BMPR1B: variants seen among roughly 807,000 people sequenced by gnomAD.
The protein encoded by BMPR1B is bone morphogenetic protein receptor type-1B.
In BMPR1B, 12 loss-of-function variants were observed where a neutral mutation model predicts 59.1. The ratio of observed to expected loss-of-function variants is 0.20; its 90% CI spans 0.13 to 0.33. BMPR1B has a LOEUF of 0.33. Among genes scored for constraint, BMPR1B ranks in the 10% least tolerant of loss-of-function variants. The pLI is 1.00. For missense variants in BMPR1B, 550 were observed against 610.9 expected, an observed-to-expected ratio of 0.90 and a Z score of 1.05; for synonymous variants, 237 against 207.3, an observed-to-expected ratio of 1.14 and a Z score of -1.23.
At chr4:95,075,433 G>A (rs780218006) in intron 3 of BMPR1B, among the ~76,000 whole-genome samples, 1 of 152,102 alleles carries the variant, frequency 6.6e-6, no homozygotes, top group South Asian at 2.1e-4. Context: ...GTATGTAGAC[G>A]ATATATTAAT....
chr4:95,086,391 C>A (rs529096586), intron 3 of BMPR1B, among the ~76,000 whole-genome samples: 1 of 152,292 alleles, frequency 6.6e-6, no homozygotes, highest in East Asian at 1.9e-4. Context: ...TAATGTTTTT[C>A]TTAAGACCCA....
intron 1 of BMPR1B, among the ~76,000 whole-genome samples, chr4:94,796,020 A>T (rs1723179073): frequency 6.6e-6 from 1 of 151,010 alleles, no homozygotes; most frequent in African/African-American, 2.4e-5. Flanking sequence ...ACTGGAGTGC[A>T]ATGATGCAAT....
intron 3 of BMPR1B, among the ~76,000 whole-genome samples, chr4:95,018,732 GACAA>G (rs939434818): frequency 1.4e-4 from 21 of 152,120 alleles, no homozygotes; most frequent in East Asian, 1.9e-4. Flanking sequence ...TTTCAAAACT[GACAA>G]ACAAACCAGC....
rs561008075 is a variant in BMPR1B at position 95,119,535 on chromosome 4, A to G, written c.349+3748A>G. Among the ~76,000 whole-genome samples the G allele has an allele frequency of 3.3e-5, 5 of 152,216 alleles. No individual in the cohort carries two copies. In the East Asian group the frequency reaches 9.6e-4, roughly 29 times the overall value. ...TTTAGACAATGAATGCTCAAATTAT[A>G]TATAATTCCTGTTTGTCCTGAATGG... On this transcript the variant is annotated intron_variant, in intron 6 of 12. Coordinates refer to ENST00000515059, the MANE Select transcript of BMPR1B (RefSeq NM_001203.3).
At chr4:95,021,860 T>C (rs189406231) in intron 3 of BMPR1B, among the ~76,000 whole-genome samples, 1 of 152,340 alleles carries the variant, frequency 6.6e-6, no homozygotes, top group Admixed American at 6.5e-5. Flanking sequence ...TCTATTCTCA[T>C]GTATTGGCAA....
At chr4:95,051,677 A>G in intron 3 of BMPR1B, 1 of 1,535,064 alleles carries the variant, frequency 6.5e-7, no homozygotes. Context: ...CAGGCAGGGC[A>G]CATTGACTGC....
chr4:94,986,432 G>T (rs1252853983), intron 2 of BMPR1B, among the ~76,000 whole-genome samples: 1 of 152,100 alleles, frequency 6.6e-6, no homozygotes, highest in Non-Finnish European at 1.5e-5. Context: ...AAAACCAAAA[G>T]AATTGCTTCC....
Position 95,154,885 on chromosome 4 carries a change from C to T in BMPR1B, c.*212C>T, listed in dbSNP as rs745861587. 123 of 590,002 alleles carry T rather than the reference C, an allele frequency of 2.1e-4. No homozygotes were observed. Among genetic ancestry groups the T allele is most frequent in the Non-Finnish European group, 3.1e-4 (108 of 343,730 alleles). The allele number at this position is 590,002 out of a possible 1,614,324, so 36.5% of individuals were successfully genotyped here. A position where few individuals can be genotyped will look rare whatever the true frequency, so the allele number is the denominator to read the frequency against. On this transcript the variant is annotated 3_prime_UTR_variant, in exon 13 of 13. Transcript: ENST00000515059. ...GATTGATCCATGTCTGTTTGTAGGA[C>T]GGAGAAACCGCTTGGGTAACTTGTT...
At chr4:95,099,709 C>T (rs750990962) in intron 3 of BMPR1B, among the ~76,000 whole-genome samples, 45 of 152,230 alleles carry the variant, frequency 3.0e-4, no homozygotes, top group African/African-American at 6.5e-4. Context: ...TTCTCCTTTC[C>T]GCGTAGCAAC....
intron 3 of BMPR1B, among the ~76,000 whole-genome samples, chr4:95,033,143 ATGT>A (rs1724999734): frequency 2.6e-5 from 4 of 152,100 alleles, no homozygotes; most frequent in Admixed American, 1.3e-4. Context: ...GGTTGTTCAT[ATGT>A]TGTTGTTGAG....
intron 3 of BMPR1B, among the ~76,000 whole-genome samples, chr4:95,050,241 GATAAAT>G: frequency 6.6e-6 from 1 of 152,186 alleles, no homozygotes; most frequent in Admixed American, 6.5e-5. Context: ...AAGGGATATG[GATAAAT>G]ATTACTCAAA....
chr4:95,129,735 C>T (rs1733169555), intron 8 of BMPR1B, 127 bp from the exon 9 acceptor site: 3 of 849,174 alleles, frequency 3.5e-6, no homozygotes, highest in African/African-American at 1.7e-5. Context: ...AATAAGTTGT[C>T]TATATAGAGA....
At chr4:94,817,215 G>A (rs4374630) in intron 1 of BMPR1B, among the ~76,000 whole-genome samples, 129,848 of 152,128 alleles carry the variant, frequency 0.85, 55,592 homozygotes, top group East Asian at 0.99. Context: ...TCTGTTTACA[G>A]ATTATCCAGT....
At chr4:94,958,889 G>A (rs946367443) in intron 2 of BMPR1B, among the ~76,000 whole-genome samples, 5 of 151,724 alleles carry the variant, frequency 3.3e-5, no homozygotes, top group African/African-American at 7.3e-5. Flanking sequence ...AGGGAATGAG[G>A]ATGGTAATGC....
At chr4:94,900,876 G>A (rs1415179251) in intron 2 of BMPR1B, among the ~76,000 whole-genome samples, 2 of 151,946 alleles carry the variant, frequency 1.3e-5, no homozygotes, top group Admixed American at 6.6e-5. Context: ...AAACAGTAAA[G>A]CAAAAACCAA....
At chr4:94,893,718 T>C (rs1727483260) in intron 2 of BMPR1B, among the ~76,000 whole-genome samples, 1 of 151,994 alleles carries the variant, frequency 6.6e-6, no homozygotes, top group Admixed American at 6.6e-5. Flanking sequence ...TTTCCATTCC[T>C]ATAAAATGGT....
At chr4:95,016,187 A>G (rs191767363) in intron 3 of BMPR1B, among the ~76,000 whole-genome samples, 1 of 152,358 alleles carries the variant, frequency 6.6e-6, no homozygotes, top group Non-Finnish European at 1.5e-5. Context: ...CAACTGCCAC[A>G]GTGACCTTGA....
At chr4:94,958,775 T>C (rs1730250594) in intron 2 of BMPR1B, among the ~76,000 whole-genome samples, 1 of 152,070 alleles carries the variant, frequency 6.6e-6, no homozygotes, top group Admixed American at 6.6e-5. Flanking sequence ...TGGTGTCTGG[T>C]GTCATAATTA....
At chr4:95,066,554 T>C (rs927587962) in intron 3 of BMPR1B, among the ~76,000 whole-genome samples, 1 of 152,164 alleles carries the variant, frequency 6.6e-6, no homozygotes, top group East Asian at 1.9e-4. Context: ...CTTGTAAACA[T>C]AGGAGCGATT....
Sources: gnomAD v4.1 joint callset for allele counts (sites outside exome capture counted in the v4.1 genomes callset) on GRCh38, gnomAD v4.1.1 for gene constraint, MANE v1.5 for transcripts, NCBI Gene and HGNC (gene_info 2026-07-23, HGNC 2026-07-21) for gene names.